The following CNTN3 variants were observed in gnomAD, a reference collection of about 807,000 sequenced individuals.
CNTN3 encodes contactin-3.
Under a neutral mutation model 119.1 loss-of-function variants are expected in CNTN3, and 60 were observed. The ratio of observed to expected loss-of-function variants is 0.50; its 90% CI spans 0.41 to 0.62. The LOEUF (loss-of-function observed/expected upper bound fraction) is 0.62. CNTN3 is among the 20% of genes least tolerant of loss of function. CNTN3 has a pLI of 0.00. For missense variants in CNTN3, 1,101 were observed against 1,242.4 expected, an observed-to-expected ratio of 0.89 and a Z score of 1.71; for synonymous variants, 450 against 438.7, an observed-to-expected ratio of 1.03 and a Z score of -0.32.
At chr3:74,577,169 T>C (rs1575841309) in intron 1 of CNTN3, among the ~76,000 whole-genome samples, 1 of 152,272 alleles carries the variant, frequency 6.6e-6, no homozygotes, top group Admixed American at 6.5e-5. Flanking sequence ...AAAATGCCAT[T>C]CAGGGAGCCA....
In CNTN3 at chr3:74,265,320, A is replaced by C. The variant is rs1259794084; in HGVS notation, c.2987-819T>G. 3.9e-5 allele frequency among the ~76,000 whole-genome samples: 6 copies of C among 152,268 alleles called. No individual in the cohort carries two copies. The East Asian group carries it at 1.2e-3, about 29-fold the overall frequency. On this transcript the variant is annotated intron_variant, in intron 22 of 22. Coordinates refer to ENST00000263665, the MANE Select transcript of CNTN3 (RefSeq NM_020872.3). The stretch of plus-strand genomic sequence containing the variant: ...GCTAAAATAACATCTGTCCCTGCAA[A>C]AGCCTAGAACATATTTCTTTTAAAA...
chr3:74,474,128 ACT>A (rs1040601664), intron 4 of CNTN3, among the ~76,000 whole-genome samples: 8 of 152,044 alleles, frequency 5.3e-5, no homozygotes, highest in African/African-American at 1.7e-4. Flanking sequence ...AGGCGAGCTG[ACT>A]CTCATTCACA....
At chr3:74,525,003 G>A (rs767140060) in intron 1 of CNTN3, among the ~76,000 whole-genome samples, 119 of 151,960 alleles carry the variant, frequency 7.8e-4, no homozygotes, top group Non-Finnish European at 4.6e-4. Context: ...AATCTTGTAT[G>A]TCTGGCTAAG....
intron 8 of CNTN3, among the ~76,000 whole-genome samples, chr3:74,368,743 C>T (rs1169501646): frequency 6.6e-6 from 1 of 150,560 alleles, no homozygotes; most frequent in Non-Finnish European, 1.5e-5. Context: ...AAGAACTCAA[C>T]AAGAGCCAGA....
At chr3:74,581,759 C>T (rs1704512727) in intron 1 of CNTN3, among the ~76,000 whole-genome samples, 1 of 152,020 alleles carries the variant, frequency 6.6e-6, no homozygotes, top group South Asian at 2.1e-4. Flanking sequence ...TAAAGATAGA[C>T]AAATAGAGCA....
chr3:74,342,453 C>T (rs1185912277), intron 11 of CNTN3, among the ~76,000 whole-genome samples: 2 of 152,142 alleles, frequency 1.3e-5, no homozygotes, highest in Non-Finnish European at 2.9e-5. Context: ...AGGAGATCAG[C>T]AGTTAATTAA....
At chr3:74,268,337 C>T (rs951206149) in intron 20 of CNTN3, among the ~76,000 whole-genome samples, 6 of 152,090 alleles carry the variant, frequency 3.9e-5, no homozygotes, top group Admixed American at 3.3e-4. Context: ...ATCACAATTG[C>T]CCTCAGTGTT....
intron 1 of CNTN3, among the ~76,000 whole-genome samples, chr3:74,611,014 G>C: frequency 6.6e-6 from 1 of 152,022 alleles, no homozygotes; most frequent in East Asian, 1.9e-4. Context: ...TCAAAGTCAA[G>C]GGACTTAAAA....
chr3:74,611,826 T>C (rs1445449162), intron 1 of CNTN3, among the ~76,000 whole-genome samples: 1 of 152,234 alleles, frequency 6.6e-6, no homozygotes, highest in Non-Finnish European at 1.5e-5. Flanking sequence ...AGTACCTTGC[T>C]AAGATAAGAA....
intron 3 of CNTN3, among the ~76,000 whole-genome samples, chr3:74,499,297 C>T (rs1316183821): frequency 4.0e-5 from 6 of 151,866 alleles, no homozygotes; most frequent in Non-Finnish European, 7.4e-5. Context: ...AAAGGTGGCA[C>T]ACAGAAGTAT....
chr3:74,545,366 C>T (rs1160580075), intron 1 of CNTN3, among the ~76,000 whole-genome samples: 1 of 152,148 alleles, frequency 6.6e-6, no homozygotes, highest in African/African-American at 2.4e-5. Context: ...CCTCCTCAAT[C>T]GTTAAGACTC....
chr3:74,563,048 T>A (rs945603852), intron 1 of CNTN3, among the ~76,000 whole-genome samples: 1 of 152,148 alleles, frequency 6.6e-6, no homozygotes, highest in Non-Finnish European at 1.5e-5. Context: ...CACTGCATCA[T>A]GCAACTCAAT....
intron 5 of CNTN3, among the ~76,000 whole-genome samples, chr3:74,420,013 T>A (rs1701591905): frequency 6.6e-6 from 1 of 152,214 alleles, no homozygotes; most frequent in Non-Finnish European, 1.5e-5. Context: ...ATGTCCAGTC[T>A]TCTATTTCTG....
Position 74,486,623 on chromosome 3 carries a change from A to T in CNTN3, c.191T>A (p.Leu64Gln). 1.3e-6 allele frequency: 2 copies of T among 1,544,156 alleles called. No homozygotes were observed. Among genetic ancestry groups the T allele is most frequent in the Non-Finnish European group, 1.7e-6 (2 of 1,152,070 alleles). ...GNPSPHYRWQ[L>Q]NGSDIDMSME... Reference sequence around the variant, plus strand: ...ACTCATATCAATATCACTTCCATTCAGCTGCCATCTGTAAAACAAATATCA... The same window carrying T: ...ACTCATATCAATATCACTTCCATTCTGCTGCCATCTGTAAAACAAATATCA... Residue 64 changes from leucine to glutamine, a missense_variant, in exon 4 of 23, where the codon CTG (leucine) becomes CAG (glutamine). Transcript: ENST00000263665.
chr3:74,441,079 G>C (rs982095825), intron 4 of CNTN3, among the ~76,000 whole-genome samples: 4 of 151,962 alleles, frequency 2.6e-5, no homozygotes, highest in African/African-American at 9.7e-5. Flanking sequence ...AATTTTATAA[G>C]CAAGCAAATG....
chr3:74,607,986 G>C (rs1705021127), intron 1 of CNTN3, among the ~76,000 whole-genome samples: 3 of 152,156 alleles, frequency 2.0e-5, no homozygotes, highest in African/African-American at 7.2e-5. Context: ...CAATTTCCTG[G>C]TTCTGGTATT....
rs139688025 is a variant in CNTN3 at position 74,395,582 on chromosome 3, T to A, written c.455-24183A>T. On this transcript the variant is annotated intron_variant, in intron 5 of 22. Coordinates refer to ENST00000263665, the MANE Select transcript of CNTN3 (RefSeq NM_020872.3). ...TTAGTCAACTCTGAAAAAGTTATTT[T>A]ATTGCCCTGAGCCTGAGTTTTCTTA... Among the ~76,000 whole-genome samples, 816 of 152,326 alleles carry A rather than the reference T, an allele frequency of 5.4e-3. 6 individuals are homozygous for A. The highest frequency in any genetic ancestry group is 5.5e-3 in the Non-Finnish European group (375 of 68,030).
intron 4 of CNTN3, among the ~76,000 whole-genome samples, chr3:74,458,460 AT>A (rs1258454039): frequency 1.3e-5 from 2 of 151,916 alleles, no homozygotes; most frequent in Admixed American, 6.6e-5. Context: ...TGAAACAAAA[AT>A]TTCAGTGCCC....
chr3:74,436,336 G>A (rs1459748069), intron 4 of CNTN3, among the ~76,000 whole-genome samples: 1 of 152,162 alleles, frequency 6.6e-6, no homozygotes, highest in African/African-American at 2.4e-5. Context: ...CTGAGGGCAT[G>A]ATCCTTCTCC....
Sources: allele counts gnomAD v4.1 joint callset (sites outside exome capture counted in the v4.1 genomes callset), GRCh38; gene constraint gnomAD v4.1.1; transcripts MANE v1.5; gene names NCBI Gene and HGNC (gene_info 2026-07-23, HGNC 2026-07-21).